The following BTRC variants were observed in gnomAD, a reference collection of about 807,000 sequenced individuals.
BTRC encodes F-box/WD repeat-containing protein 1A.
In BTRC, 42 loss-of-function variants were observed where a neutral mutation model predicts 85.5. That is an observed-to-expected ratio of 0.49 (90% CI 0.38 to 0.64). The LOEUF is 0.64. BTRC is among the 30% of genes least tolerant of loss of function. The pLI, the probability that BTRC is intolerant of heterozygous loss-of-function variation, is 0.00. For synonymous variants in BTRC, 255 were observed against 263.3 expected (o/e 0.97, Z 0.30); for missense variants, 594 against 743.5 (o/e 0.80, Z 2.34).
In BTRC at chr10:101,549,525, T is replaced by C. The variant is rs553828712; in HGVS notation, c.1657-1174T>C. On this transcript the variant is annotated intron_variant, in intron 13 of 14. Transcript: ENST00000370187. ...GTCAGGAGATCAAGACCATCCTGGC[T>C]AACACGATGAAACCCCGTCTCTACT... is the stretch of plus-strand genomic sequence containing the variant. 1.7e-4 allele frequency among the ~76,000 whole-genome samples: 26 copies of C among 150,682 alleles called. No individual in the cohort carries two copies. In the East Asian group the frequency reaches 5.1e-3, roughly 30 times the overall value.
chr10:101,448,086 T>C (rs943519514), intron 2 of BTRC, among the ~76,000 whole-genome samples: 40 of 152,260 alleles, frequency 2.6e-4, no homozygotes, highest in African/African-American at 9.6e-4. Flanking sequence ...TTGTAGGATT[T>C]GTCAGAAATG....
At chr10:101,540,958 A>C (rs1385406737) in intron 13 of BTRC, among the ~76,000 whole-genome samples, 2 of 152,202 alleles carry the variant, frequency 1.3e-5, no homozygotes, top group Non-Finnish European at 2.9e-5. Context: ...TGTCACAGTT[A>C]TCCCTAAATA....
In BTRC at chr10:101,532,784, G is replaced by GTGTGTGTGTGTGTA. The variant is rs373538962; in HGVS notation, c.979-162_979-161insTGTGTGTATGTGTG. On this transcript the variant is annotated intron_variant, in intron 8 of 14. Coordinates refer to ENST00000370187, the MANE Select transcript of BTRC (RefSeq NM_033637.4). ...TGTGTGTGTGTGTGTGTGTGTGTGT[G>GTGTGTGTGTGTGTA]TGTGTGCGCGTGTGCGCGCGCGCGC... 3.2e-4 allele frequency among the ~76,000 whole-genome samples: 47 copies of GTGTGTGTGTGTGTA among 145,864 alleles called. No homozygotes were observed. The East Asian group carries it at 4.3e-3, about 13-fold the overall frequency.
chr10:101,424,346 A>G (rs1337639458), intron 1 of BTRC, among the ~76,000 whole-genome samples: 2 of 152,204 alleles, frequency 1.3e-5, no homozygotes, highest in Admixed American at 6.5e-5. Context: ...GGAGTGAACT[A>G]AATTGGGATT....
In BTRC at chr10:101,437,048, T is replaced by G. The variant is rs536564536; in HGVS notation, c.156+6596T>G. 3.3e-5 allele frequency among the ~76,000 whole-genome samples: 5 copies of G among 152,308 alleles called. No homozygotes were observed. The South Asian group carries it at 1.0e-3, about 32-fold the overall frequency. On this transcript the variant is annotated intron_variant, in intron 2 of 14. Transcript: ENST00000370187. ...AAAATTATCCTGTGACAGAAATGCT[T>G]CTCATTCTGTAGCTGATACCCTCTC... is the stretch of plus-strand genomic sequence containing the variant.
At chr10:101,534,218 T>C (rs1248372616) in intron 9 of BTRC, among the ~76,000 whole-genome samples, 1 of 152,188 alleles carries the variant, frequency 6.6e-6, no homozygotes, top group African/African-American at 2.4e-5. Context: ...TTGACCTTTA[T>C]GATAAAACCT....
At chr10:101,488,097 C>A (rs1406348394) in intron 4 of BTRC, among the ~76,000 whole-genome samples, 1 of 152,100 alleles carries the variant, frequency 6.6e-6, no homozygotes, top group Non-Finnish European at 1.5e-5. Flanking sequence ...AATCAGGTAA[C>A]CAGAGGAATT....
At chr10:101,354,289 C>T in intron 1 of BTRC, 61 bp downstream of exon 1, 1 of 1,534,348 alleles carries the variant, frequency 6.5e-7, no homozygotes, top group Non-Finnish European at 8.8e-7. Flanking sequence ...CGTCGCTGGC[C>T]TGGGCCGCCC....
At chr10:101,417,621 G>T (rs1300101390) in intron 1 of BTRC, among the ~76,000 whole-genome samples, 3 of 152,062 alleles carry the variant, frequency 2.0e-5, no homozygotes, top group African/African-American at 7.2e-5. Flanking sequence ...TTGTGGGGAG[G>T]TATTTTGAGA....
intron 2 of BTRC, among the ~76,000 whole-genome samples, chr10:101,461,480 C>CT (rs1205971218): frequency 6.6e-6 from 1 of 152,040 alleles, no homozygotes; most frequent in Admixed American, 6.5e-5. Flanking sequence ...TCCTAAACTA[C>CT]TGAGTAAATG....
intron 4 of BTRC, among the ~76,000 whole-genome samples, chr10:101,515,048 C>T (rs961422375): frequency 6.6e-6 from 1 of 151,850 alleles, no homozygotes; most frequent in Non-Finnish European, 1.5e-5. Flanking sequence ...CTCCACCTCC[C>T]GGGTTCAAGC....
intron 1 of BTRC, among the ~76,000 whole-genome samples, chr10:101,361,602 AC>A (rs1171420422): frequency 2.6e-5 from 4 of 152,254 alleles, no homozygotes; most frequent in African/African-American, 9.6e-5. Flanking sequence ...GGAAGGGTCC[AC>A]TGGATCTTAA....
intron 1 of BTRC, among the ~76,000 whole-genome samples, chr10:101,369,604 A>G (rs1255781614): frequency 3.9e-5 from 6 of 152,196 alleles, no homozygotes; most frequent in Non-Finnish European, 7.3e-5. Context: ...TGACATGTAG[A>G]AGTCCAGATC....
intron 4 of BTRC, among the ~76,000 whole-genome samples, chr10:101,482,393 C>CTTTTTTTTTTTTT (rs55978440): frequency 2.0e-5 from 2 of 99,814 alleles, no homozygotes; most frequent in Non-Finnish European, 4.2e-5. Flanking sequence ...TTGTTTGTTT[C>CTTTTTTTTTTTTT]TTTTTTTTTT....
chr10:101,402,606 G>A (rs1379019211), intron 1 of BTRC, among the ~76,000 whole-genome samples: 2 of 152,144 alleles, frequency 1.3e-5, no homozygotes, highest in African/African-American at 4.8e-5. Flanking sequence ...ATTATAGATG[G>A]ACTTAAATTA....
At chr10:101,497,053 T>C (rs936889331) in intron 4 of BTRC, among the ~76,000 whole-genome samples, 1 of 152,246 alleles carries the variant, frequency 6.6e-6, no homozygotes, top group Non-Finnish European at 1.5e-5. Context: ...TTTATGGTTT[T>C]ACATTTCATG....
intron 13 of BTRC, among the ~76,000 whole-genome samples, chr10:101,546,110 C>T (rs1164475019): frequency 6.6e-6 from 1 of 152,192 alleles, no homozygotes; most frequent in Non-Finnish European, 1.5e-5. Context: ...TTAGCAGTAC[C>T]ATCAATCAAG....
chr10:101,386,195 A>G (rs112317421), intron 1 of BTRC, among the ~76,000 whole-genome samples: 7 of 152,174 alleles, frequency 4.6e-5, no homozygotes, highest in African/African-American at 1.7e-4. Context: ...TTCTACTGAT[A>G]TTTCCAGGAC....
intron 1 of BTRC, among the ~76,000 whole-genome samples, chr10:101,366,296 ATT>A (rs1471276495): frequency 6.6e-6 from 1 of 151,936 alleles, no homozygotes; most frequent in Non-Finnish European, 1.5e-5. Context: ...ATTGCAAAGC[ATT>A]GTTACATATA....
Sources: allele counts gnomAD v4.1 joint callset (sites outside exome capture counted in the v4.1 genomes callset), GRCh38; gene constraint gnomAD v4.1.1; transcripts MANE v1.5; gene names NCBI Gene and HGNC (gene_info 2026-07-23, HGNC 2026-07-21).